The following TFAP2E variants were observed in gnomAD, a reference collection of about 807,000 sequenced individuals.
The protein encoded by TFAP2E is transcription factor AP-2-epsilon.
Under a neutral mutation model 37.9 loss-of-function variants are expected in TFAP2E, and 30 were observed. The observed-to-expected ratio is 0.79, with a 90% CI of 0.59 to 1.07. The LOEUF is 1.07. Among genes scored for constraint, TFAP2E ranks in the 50% least tolerant of loss-of-function variants. TFAP2E has a pLI of 0.00. For synonymous variants in TFAP2E, 318 were observed against 295.8 expected (o/e 1.08, Z -0.77); for missense variants, 567 against 637.9 (o/e 0.89, Z 1.20).
chr1:35,591,205 A>C (rs540899824), intron 6 of TFAP2E, among the ~76,000 whole-genome samples: 1 of 152,024 alleles, frequency 6.6e-6, no homozygotes, highest in Non-Finnish European at 1.5e-5. Flanking sequence ...ATACATGAAC[A>C]CTCTTCACAA....
Position 35,575,189 on chromosome 1 carries a change from T to C in TFAP2E, c.562+189T>C, listed in dbSNP as rs552815606. ...TGAGTTTGCCCAGCACCCTGTGGCC[T>C]GGGGTGGGCCTCAGCGGATCAGCAT... On this transcript the variant is annotated intron_variant, in intron 3 of 6. Transcript: ENST00000373235. 9.8e-5 allele frequency among the ~76,000 whole-genome samples: 15 copies of C among 152,288 alleles called. No homozygotes were observed. The South Asian group carries it at 2.9e-3, about 30-fold the overall frequency.
At chr1:35,584,516 CTTTTTA>C (rs1263499105) in intron 3 of TFAP2E, among the ~76,000 whole-genome samples, 2 of 152,078 alleles carry the variant, frequency 1.3e-5, no homozygotes, top group Admixed American at 6.6e-5. Context: ...CTTTGCCCTT[CTTTTTA>C]TTTTTAATTT....
At position 35,590,205 on chromosome 1, in the gene TFAP2E, T is replaced by C. The variant is rs766405963; in HGVS notation, c.904+157T>C. On this transcript the variant is annotated intron_variant, in intron 5 of 6. Transcript: ENST00000373235. The surrounding 1 kb of genome is among the most constrained non-coding windows in gnomAD (Gnocchi z 6.2). Reference sequence around the variant, plus strand: ...TGCGTATTCTCTGTCATGTATAAGGTGTGTTTGTGATTTCTGTGTGTAGTC... The same window carrying C: ...TGCGTATTCTCTGTCATGTATAAGGCGTGTTTGTGATTTCTGTGTGTAGTC... Among the ~76,000 whole-genome samples, 5 of 151,996 alleles carry C rather than the reference T, an allele frequency of 3.3e-5. No homozygotes were observed. The highest frequency in any genetic ancestry group is 7.4e-5 in the Non-Finnish European group (5 of 68,000).
At chr1:35,575,101 G>C (rs1013730203) in intron 3 of TFAP2E, 101 bp downstream of exon 3, 2 of 1,475,424 alleles carry the variant, frequency 1.4e-6, no homozygotes, top group Admixed American at 1.7e-5. Context: ...GTGTCGCCAG[G>C]CTGGGTGTCC....
intron 3 of TFAP2E, among the ~76,000 whole-genome samples, chr1:35,580,877 G>T (rs1364543135): frequency 6.6e-6 from 1 of 152,078 alleles, no homozygotes; most frequent in Non-Finnish European, 1.5e-5. Flanking sequence ...ATTTTTTGAG[G>T]TAAAATTTAC....
In TFAP2E at chr1:35,588,185, A is replaced by AT. The variant is rs1202819417; in HGVS notation, c.563-144dup. On this transcript the variant is annotated intron_variant, in intron 3 of 6. Coordinates refer to ENST00000373235, the MANE Select transcript of TFAP2E (RefSeq NM_178548.4). This position sits in a 1 kb window ranked among gnomAD's most constrained non-coding sequence, Gnocchi z 5.1. ...CTCGGAGTTCAGTCTCTGAGTTCACATCCATCAGTTGAGGGAACTTGGGCG... is the reference window on the plus strand; with the variant it reads ...CTCGGAGTTCAGTCTCTGAGTTCACATTCCATCAGTTGAGGGAACTTGGGCG... The AT allele has an allele frequency of 3.4e-5, 24 of 714,230 alleles. No homozygotes were observed. The East Asian group carries it at 6.0e-4, about 18-fold the overall frequency. 44.2% of individuals were successfully genotyped at this position (714,230 alleles called of 1,614,324 possible).
chr1:35,584,176 A>G (rs1462899879), intron 3 of TFAP2E, among the ~76,000 whole-genome samples: 3 of 152,146 alleles, frequency 2.0e-5, no homozygotes, highest in Non-Finnish European at 4.4e-5. Context: ...ATCATAGCTC[A>G]CTGCAGCCTC....
At chr1:35,587,693 C>T (rs12744435) in intron 3 of TFAP2E, among the ~76,000 whole-genome samples, 1 of 151,136 alleles carries the variant, frequency 6.6e-6, no homozygotes, top group Non-Finnish European at 1.5e-5. Context: ...CAGATTCCTT[C>T]TCTGGTCTTC....
At position 35,590,502 on chromosome 1, in the gene TFAP2E, A is replaced by T; in HGVS notation, c.905-132A>T. The T allele has an allele frequency of 9.0e-7, 1 of 1,113,738 alleles. No individual in the cohort carries two copies. 69.0% of individuals were successfully genotyped at this position (1,113,738 alleles called of 1,614,324 possible). A position where few individuals can be genotyped will look rare whatever the true frequency, so the allele number is the denominator to read the frequency against. On this transcript the variant is annotated intron_variant, in intron 5 of 6. Coordinates refer to ENST00000373235, the MANE Select transcript of TFAP2E (RefSeq NM_178548.4). This position sits in a 1 kb window ranked among gnomAD's most constrained non-coding sequence, Gnocchi z 6.2. ...GAATGGGGGCTGGAGCTGGGCTGGG[A>T]AGGAACATCAGAGGGGGCATCTACA...
rs2148552558 is a variant in TFAP2E at position 35,588,779 on chromosome 1, A to C, written c.785+227A>C. On this transcript the variant is annotated intron_variant, in intron 4 of 6. Coordinates refer to ENST00000373235, the MANE Select transcript of TFAP2E (RefSeq NM_178548.4). This position sits in a 1 kb window ranked among gnomAD's most constrained non-coding sequence, Gnocchi z 5.1. ...GGGTAGGGAGGTGGGCAGAGAAAGA[A>C]GCCTGGGCACAGAGAAGGGATGGAG... 6.6e-6 allele frequency among the ~76,000 whole-genome samples: 1 copy of C among 152,258 alleles called. No homozygotes were observed. The highest frequency in any genetic ancestry group is 2.4e-5 in the African/African-American group (1 of 41,546).
intron 3 of TFAP2E, among the ~76,000 whole-genome samples, chr1:35,579,793 T>C (rs1208945841): frequency 6.6e-6 from 1 of 152,236 alleles, no homozygotes; most frequent in Admixed American, 6.5e-5. Flanking sequence ...CCTCCCAGGC[T>C]ACTCTCTGCC....
intron 3 of TFAP2E, among the ~76,000 whole-genome samples, chr1:35,585,173 G>T (rs1393476689): frequency 6.6e-6 from 1 of 152,072 alleles, no homozygotes; most frequent in Non-Finnish European, 1.5e-5. Context: ...GGCTCAAAGA[G>T]CTCACACCCT....
chr1:35,589,827 C>G, intron 4 of TFAP2E, 103 bp from the exon 5 acceptor site: 3 of 1,199,732 alleles, frequency 2.5e-6, no homozygotes, highest in Non-Finnish European at 3.7e-6. Flanking sequence ...CAAACCTCAA[C>G]AGGGGCTGGT....
At chr1:35,581,006 C>G (rs1649336833) in intron 3 of TFAP2E, among the ~76,000 whole-genome samples, 1 of 152,198 alleles carries the variant, frequency 6.6e-6, no homozygotes, top group Admixed American at 6.5e-5. Flanking sequence ...CCCAGAAGTT[C>G]CCATTTGTAG....
Position 35,588,226 on chromosome 1 carries a change from A to T in TFAP2E, c.563-104A>T. The T allele has an allele frequency of 8.4e-7, 1 of 1,189,002 alleles. No homozygotes were observed. The highest frequency in any genetic ancestry group is 1.2e-6 in the Non-Finnish European group (1 of 860,216). The allele number at this position is 1,189,002 out of a possible 1,614,324, so 73.7% of individuals were successfully genotyped here. ...AACTTGGGCGAGTCACTTTCACCTCACTGTGGCTCAGTTTCTCCCTTCATA... is the reference window on the plus strand; with the variant it reads ...AACTTGGGCGAGTCACTTTCACCTCTCTGTGGCTCAGTTTCTCCCTTCATA... On this transcript the variant is annotated intron_variant, in intron 3 of 6. Transcript: ENST00000373235. The surrounding 1 kb of genome is among the most constrained non-coding windows in gnomAD (Gnocchi z 5.1).
chr1:35,574,669 C>A, intron 2 of TFAP2E: 1 of 664,748 alleles, frequency 1.5e-6, no homozygotes, highest in Non-Finnish European at 2.5e-6. Flanking sequence ...TCCCCGCTGC[C>A]ACGTGTGGCA....
In TFAP2E at chr1:35,588,639, C is replaced by A; in HGVS notation, c.785+87C>A. ...AAGGCATCAGAGAGGAGGCCAGTCT[C>A]ACCTAGGCCCTCTGCCTCAGTCTCC... On this transcript the variant is annotated intron_variant, in intron 4 of 6. Transcript: ENST00000373235. This position sits in a 1 kb window ranked among gnomAD's most constrained non-coding sequence, Gnocchi z 5.1. The A allele has an allele frequency of 7.5e-7, 1 of 1,329,688 alleles. No homozygotes were observed. Among genetic ancestry groups the A allele is most frequent in the East Asian group, 2.4e-5 (1 of 42,034 alleles). The allele number at this position is 1,329,688 out of a possible 1,614,324, so 82.4% of individuals were successfully genotyped here.
Position 35,588,363 on chromosome 1 carries a change from C to T in TFAP2E, c.596C>T (p.Ala199Val), listed in dbSNP as rs762475500. ...CCCTCCAAAGCCAGCAGCCTCTCAG[C>T]CCTCTCCTTGGCCAAAGACAGCCTG... The part of the protein sequence containing the change: ...PIPSKASSLS[A>V]LSLAKDSLVG... Residue 199 changes from alanine (A) to valine (V), a missense_variant, in exon 4 of 7, where the codon GCC becomes GTC. Transcript: ENST00000373235. This position sits in a 1 kb window ranked among gnomAD's most constrained non-coding sequence, Gnocchi z 5.1. 1.1e-5 allele frequency: 17 copies of T among 1,613,472 alleles called. No homozygotes were observed. The highest frequency in any genetic ancestry group is 1.4e-5 in the Non-Finnish European group (17 of 1,179,922).
intron 3 of TFAP2E, among the ~76,000 whole-genome samples, chr1:35,576,561 G>C (rs1344497794): frequency 6.6e-6 from 1 of 152,156 alleles, no homozygotes; most frequent in East Asian, 1.9e-4. Flanking sequence ...TGGGAGTCTA[G>C]GTTCACTGAC....
Sources: allele counts gnomAD v4.1 joint callset (sites outside exome capture counted in the v4.1 genomes callset), GRCh38; gene constraint gnomAD v4.1.1; non-coding constraint Gnocchi (gnomAD v3.1); transcripts MANE v1.5; gene names NCBI Gene and HGNC (gene_info 2026-07-23, HGNC 2026-07-21).